Variants in CASK observed in about 807,000 individuals in gnomAD.
CASK encodes the protein calcium/calmodulin dependent serine protein kinase, also known as peripheral plasma membrane protein CASK.
A neutral mutation model predicts 82.9 loss-of-function variants in CASK; 4 were observed. That is an observed-to-expected ratio of 0.05 (90% CI 0.02 to 0.11). The LOEUF (loss-of-function observed/expected upper bound fraction) is 0.11. CASK is among the 10% of genes least tolerant of loss of function. The pLI is 1.00. For synonymous variants in CASK, 259 were observed against 253.5 expected, an observed-to-expected ratio of 1.02 and a Z score of -0.20; for missense variants, 358 against 720.9, an observed-to-expected ratio of 0.50 and a Z score of 5.76.
intron 21 of CASK, among the ~76,000 whole-genome samples, chrX:41,550,324 T>C (rs2065079231): frequency 8.9e-6 from 1 of 111,846 alleles, no homozygotes; most frequent in South Asian, 3.8e-4. Flanking sequence ...CATAATGATC[T>C]TGTGTTTCAT....
At chrX:41,717,005 C>T (rs1485645647) in intron 5 of CASK, among the ~76,000 whole-genome samples, 1 of 110,710 alleles carries the variant, frequency 9.0e-6, no homozygotes, top group African/African-American at 3.3e-5. Flanking sequence ...GTTTCTTGCT[C>T]GTTGCCCTTA....
chrX:41,827,134 A>G (rs1157164497), intron 2 of CASK, among the ~76,000 whole-genome samples: 3 of 112,230 alleles, frequency 2.7e-5, no homozygotes, highest in Non-Finnish European at 3.8e-5. Flanking sequence ...TAATCTTGGG[A>G]AAATTTTTAA....
chrX:41,824,195 A>G (rs1198987454), intron 2 of CASK, among the ~76,000 whole-genome samples: 2 of 111,354 alleles, frequency 1.8e-5, no homozygotes, highest in African/African-American at 3.3e-5. Context: ...AAGGAGGGGG[A>G]AAAAAAAGCA....
chrX:41,731,829 A>T (rs1487364399), intron 5 of CASK, among the ~76,000 whole-genome samples: 1 of 110,845 alleles, frequency 9.0e-6, no homozygotes, highest in Non-Finnish European at 1.9e-5. Context: ...TACAGTGGTG[A>T]TCATAGCTCA....
At chrX:41,613,114 A>G (rs2147293344) in intron 11 of CASK, among the ~76,000 whole-genome samples, 1 of 109,770 alleles carries the variant, frequency 9.1e-6, no homozygotes, top group East Asian at 2.9e-4. Context: ...CCCGGCCACC[A>G]CCCCGTCTGG....
chrX:41,635,972 C>T (rs2066546689), intron 9 of CASK, among the ~76,000 whole-genome samples: 1 of 97,606 alleles, frequency 1.0e-5, no homozygotes, highest in Non-Finnish European at 2.0e-5. Flanking sequence ...TCTCAGCTCA[C>T]TGCAACCTCC....
intron 5 of CASK, among the ~76,000 whole-genome samples, chrX:41,704,717 C>A (rs1342276124): frequency 8.9e-6 from 1 of 111,778 alleles, no homozygotes; most frequent in Non-Finnish European, 1.9e-5. Context: ...TTTCTTATCC[C>A]AATAATATTA....
At position 41,515,448 on chromosome X, in the gene CASK, A is replaced by G. The variant is rs768833692; in HGVS notation, c.*4972T>C. The G allele has an allele frequency of 8.9e-6, 1 of 112,403 alleles. No homozygotes were observed. The highest frequency in any genetic ancestry group is 3.6e-4 in the South Asian group (1 of 2,741). The allele number at this position is 112,403 out of a possible 1,213,427, so 9.3% of individuals were successfully genotyped here. A position where few individuals can be genotyped will look rare whatever the true frequency, so the allele number is the denominator to read the frequency against. On this transcript the variant is annotated 3_prime_UTR_variant, in exon 27 of 27. Transcript: ENST00000378163. The stretch of plus-strand genomic sequence containing the variant: ...TATAAAAAGGCAATAATACATACAG[A>G]AAAAAGAACACGTTGGCAAAACTTT...
chrX:41,829,746 T>TATAC (rs1465584728), intron 2 of CASK, among the ~76,000 whole-genome samples: 2 of 44,954 alleles, frequency 4.4e-5, no homozygotes, highest in African/African-American at 1.1e-4. Flanking sequence ...TATATATATA[T>TATAC]ATATATATAT....
chrX:41,866,512 C>G (rs759806089), intron 1 of CASK, among the ~76,000 whole-genome samples: 71 of 112,135 alleles, frequency 6.3e-4, no homozygotes, highest in Admixed American at 1.0e-3. Context: ...TTCAGAATCC[C>G]TTTATTGCTG....
intron 5 of CASK, among the ~76,000 whole-genome samples, chrX:41,700,606 G>T (rs2067774746): frequency 2.2e-5 from 2 of 92,512 alleles, no homozygotes; most frequent in African/African-American, 8.2e-5. Flanking sequence ...TTGAGACAGG[G>T]TCTCACTCTG....
intron 20 of CASK, among the ~76,000 whole-genome samples, chrX:41,554,763 A>G (rs1276606173): frequency 8.9e-6 from 1 of 112,334 alleles, no homozygotes; most frequent in Non-Finnish European, 1.9e-5. Flanking sequence ...TCAATTATAC[A>G]GTCTTAAGAC....
intron 2 of CASK, among the ~76,000 whole-genome samples, chrX:41,808,145 G>A (rs1227247511): frequency 8.9e-6 from 1 of 111,984 alleles, no homozygotes; most frequent in Non-Finnish European, 1.9e-5. Context: ...GTGAGCCATC[G>A]TGCCAGGCCA....
intron 5 of CASK, among the ~76,000 whole-genome samples, chrX:41,701,638 C>T (rs2067794475): frequency 8.9e-6 from 1 of 112,231 alleles, no homozygotes; most frequent in African/African-American, 3.2e-5. Context: ...TCAGTCAGTC[C>T]ATGTTTTCAG....
At chrX:41,700,587 T>A (rs1446612386) in intron 5 of CASK, among the ~76,000 whole-genome samples, 1 of 100,374 alleles carries the variant, frequency 1.0e-5, no homozygotes, top group African/African-American at 3.7e-5. Context: ...GACTTTTTTT[T>A]TTTTTTTTTT....
At chrX:41,823,007 T>C (rs1235496392) in intron 2 of CASK, among the ~76,000 whole-genome samples, 1 of 86,670 alleles carries the variant, frequency 1.2e-5, no homozygotes, top group African/African-American at 4.5e-5. Context: ...TAAGCGCTGC[T>C]ACAAATTCCT....
rs1339303350 is a variant in CASK, at chrX:41,923,484, C to T, written c.-496G>A. 1 of 111,025 alleles carries T rather than the reference C, an allele frequency of 9.0e-6. No homozygotes were observed. Among genetic ancestry groups the T allele is most frequent in the African/African-American group, 3.3e-5 (1 of 30,720 alleles). The allele number at this position is 111,025 out of a possible 1,213,427, so 9.1% of individuals were successfully genotyped here. On this transcript the variant is annotated 5_prime_UTR_variant, in exon 1 of 27. Transcript: ENST00000378163. Reference sequence around the variant, plus strand: ...GCGGCGGCGGATCGGCGCTGGGGACCAGGAGGCGGCGGCAGAGACGCTCCC... The same window carrying T: ...GCGGCGGCGGATCGGCGCTGGGGACTAGGAGGCGGCGGCAGAGACGCTCCC...
At chrX:41,787,418 T>C in intron 2 of CASK, 135 bp from the exon 3 acceptor site, 1 of 487,539 alleles carries the variant, frequency 2.1e-6, no homozygotes, top group East Asian at 3.6e-5. Context: ...CCATTTAAAC[T>C]TAGCTTAACT....
At chrX:41,877,750 T>G (rs989369829) in intron 1 of CASK, among the ~76,000 whole-genome samples, 2 of 111,329 alleles carry the variant, frequency 1.8e-5, no homozygotes, top group African/African-American at 6.5e-5. Context: ...AATAAAACTA[T>G]CTTAAGAAAT....
Sources: gnomAD v4.1 joint callset for allele counts (sites outside exome capture counted in the v4.1 genomes callset) on GRCh38, gnomAD v4.1.1 for gene constraint, MANE v1.5 for transcripts, NCBI Gene and HGNC (gene_info 2026-07-23, HGNC 2026-07-21) for gene names.